The following MED15 variants were observed in gnomAD, a reference collection of about 807,000 sequenced individuals.
MED15 encodes mediator complex subunit 15.
A neutral mutation model predicts 118.7 loss-of-function variants in MED15; 41 were observed. The observed-to-expected ratio is 0.35, with a 90% CI of 0.27 to 0.45. MED15 has a LOEUF of 0.45. Ranked by LOEUF, MED15 falls within the 20% of genes least tolerant of loss-of-function variation. MED15 has a pLI of 1.00. For synonymous variants in MED15, 436 were observed against 413.9 expected (o/e 1.05, Z -0.65); for missense variants, 740 against 1,025.5 (o/e 0.72, Z 3.80).
intron 1 of MED15, among the ~76,000 whole-genome samples, chr22:20,518,206 T>C (rs1212249271): frequency 2.1e-5 from 3 of 142,188 alleles, no homozygotes; most frequent in Non-Finnish European, 4.6e-5. Context: ...TTTTCTTTGT[T>C]TGAGATGGAG....
chr22:20,525,530 CTTTT>C (rs753248152), intron 1 of MED15, among the ~76,000 whole-genome samples: 3 of 113,314 alleles, frequency 2.6e-5, no homozygotes, highest in South Asian at 3.0e-4. Context: ...TGACCTTTCT[CTTTT>C]TTTTTTTTTT....
Position 20,528,323 on chromosome 22 carries a change from G to A in MED15, c.69-8794G>A, listed in dbSNP as rs553812582. Among the ~76,000 whole-genome samples the A allele has an allele frequency of 5.3e-5, 8 of 152,260 alleles. No homozygotes were observed. The South Asian group carries it at 1.2e-3, about 24-fold the overall frequency. ...CCCAACCTTTTTAGCACCAGGGACC[G>A]GTTTCACAGAAGACAATTTTTCTAC... On this transcript the variant is annotated intron_variant, in intron 1 of 17. Transcript: ENST00000263205.
chr22:20,557,090 C>CCTG (rs1371468718), intron 5 of MED15, among the ~76,000 whole-genome samples: 1 of 152,086 alleles, frequency 6.6e-6, no homozygotes, highest in Non-Finnish European at 1.5e-5. Flanking sequence ...GGCTTCAGTG[C>CCTG]TTCAATATAT....
At chr22:20,516,018 T>A (rs1444491951) in intron 1 of MED15, among the ~76,000 whole-genome samples, 1 of 134,698 alleles carries the variant, frequency 7.4e-6, no homozygotes, top group South Asian at 2.4e-4. Flanking sequence ...ACAAAAAAAA[T>A]TAAAAATAAA....
chr22:20,515,701 G>A (rs150125958), intron 1 of MED15, among the ~76,000 whole-genome samples: 4,494 of 151,674 alleles, frequency 0.03, 230 homozygotes, highest in African/African-American at 0.1. Flanking sequence ...CAGGAGAATC[G>A]CTTAAACCCG....
At chr22:20,513,073 T>C (rs1243979591) in intron 1 of MED15, among the ~76,000 whole-genome samples, 1 of 151,836 alleles carries the variant, frequency 6.6e-6, no homozygotes, top group African/African-American at 2.4e-5. Context: ...GTATTCTTTA[T>C]TTTTTTATTT....
Position 20,537,228 on chromosome 22 carries a change from A to G in MED15, c.156+24A>G, listed in dbSNP as rs367550499. Reference sequence around the variant, plus strand: ...GGGTAAGGCCCTAGTAAGTGGAGCCACTCTGGCAGAGAGACTTGGAGAGGA... The same window carrying G: ...GGGTAAGGCCCTAGTAAGTGGAGCCGCTCTGGCAGAGAGACTTGGAGAGGA... On this transcript the variant is annotated intron_variant, in intron 2 of 17. Coordinates refer to ENST00000263205, the MANE Select transcript of MED15 (RefSeq NM_001003891.3). The G allele has an allele frequency of 2.5e-6, 4 of 1,598,526 alleles. No homozygotes were observed. In the African/African-American group the frequency reaches 5.4e-5, roughly 21 times the overall value.
At chr22:20,576,962 T>C (rs1037942830) in intron 9 of MED15, among the ~76,000 whole-genome samples, 3 of 152,240 alleles carry the variant, frequency 2.0e-5, no homozygotes, top group African/African-American at 7.2e-5. Flanking sequence ...AGTAGCAGCA[T>C]GTAGGACTGA....
At position 20,587,552 on chromosome 22, in the gene MED15, G is replaced by A. The variant is rs1044108; in HGVS notation, c.*848G>A. On this transcript the variant is annotated 3_prime_UTR_variant, in exon 18 of 18. Transcript: ENST00000263205. ...ACCGGCCAGCACCCTCTGGTGAGAA[G>A]AGGTCCCCCCTTTTTATGTGCACTA... 8.3e-6 allele frequency: 3 copies of A among 360,208 alleles called. No homozygotes were observed. The highest frequency in any genetic ancestry group is 9.9e-6 in the Non-Finnish European group (2 of 202,846). 22.3% of individuals were successfully genotyped at this position (360,208 alleles called of 1,614,324 possible).
chr22:20,581,001 A>C (rs1376768396), intron 9 of MED15, among the ~76,000 whole-genome samples: 1 of 152,238 alleles, frequency 6.6e-6, no homozygotes, highest in Non-Finnish European at 1.5e-5. Flanking sequence ...TTGACCACAA[A>C]GCAGTGGGAA....
chr22:20,587,005 C>T lies in MED15; in HGVS notation c.*301C>T, dbSNP rs538420704. The T allele has an allele frequency of 2.8e-4, 131 of 473,168 alleles. No individual in the cohort carries two copies. Among genetic ancestry groups the T allele is most frequent in the African/African-American group, 2.5e-3 (129 of 51,994 alleles). The allele number at this position is 473,168 out of a possible 1,614,324, so 29.3% of individuals were successfully genotyped here. A position where few individuals can be genotyped will look rare whatever the true frequency, so the allele number is the denominator to read the frequency against. ...CTCTCACCGTGGCCTGTCCACGGTC[C>T]AGGTCCATCTCAGCAGCGTGAGGGT... On this transcript the variant is annotated 3_prime_UTR_variant, in exon 18 of 18. Coordinates refer to ENST00000263205, the MANE Select transcript of MED15 (RefSeq NM_001003891.3).
rs1264721666 is a variant in MED15 at position 20,575,383 on chromosome 22, T to TA, written c.1272+154dup. 1,285 of 862,226 alleles carry TA rather than the reference T, an allele frequency of 1.5e-3. 8 individuals carry two copies. In the African/African-American group the frequency reaches 0.02, roughly 13 times the overall value. The allele number at this position is 862,226 out of a possible 1,614,324, so 53.4% of individuals were successfully genotyped here. On this transcript the variant is annotated intron_variant, in intron 9 of 17. Coordinates refer to ENST00000263205, the MANE Select transcript of MED15 (RefSeq NM_001003891.3). The stretch of plus-strand genomic sequence containing the variant: ...CCCACAGTCCCTTTTTTTTTTTTTT[T>TA]AAATGAAGCCAAGCCCAGCTTGTGC...
At chr22:20,549,977 A>C (rs75195136) in intron 2 of MED15, among the ~76,000 whole-genome samples, 1 of 152,122 alleles carries the variant, frequency 6.6e-6, no homozygotes, top group Non-Finnish European at 1.5e-5. Context: ...TTTGAAACCT[A>C]CTTCCCCTTG....
At chr22:20,509,265 G>C (rs886516723) in intron 1 of MED15, among the ~76,000 whole-genome samples, 2 of 152,168 alleles carry the variant, frequency 1.3e-5, no homozygotes, top group Admixed American at 1.3e-4. Flanking sequence ...ATTCTTTGGA[G>C]TAGTGAAATG....
chr22:20,585,645 T>G (rs2057112006), intron 16 of MED15, 83 bp from the exon 17 acceptor site: 3 of 1,274,932 alleles, frequency 2.4e-6, no homozygotes, highest in South Asian at 1.2e-5. Context: ...TCCCTGGGTG[T>G]GGAGTCCTGT....
chr22:20,531,645 G>A (rs1410417692), intron 1 of MED15, among the ~76,000 whole-genome samples: 1 of 152,232 alleles, frequency 6.6e-6, no homozygotes, highest in African/African-American at 2.4e-5. Flanking sequence ...CGTTCTGCAC[G>A]TCGTGTCCCA....
intron 5 of MED15, 72 bp downstream of exon 5, chr22:20,555,220 T>C (rs746769596): frequency 1.4e-5 from 19 of 1,390,070 alleles, no homozygotes; most frequent in Non-Finnish European, 1.8e-5. Context: ...CCTGTGCTTA[T>C]GATGGTATCA....
At chr22:20,513,282 CTTT>C (rs361904) in intron 1 of MED15, among the ~76,000 whole-genome samples, 28 of 127,022 alleles carry the variant, frequency 2.2e-4, no homozygotes, top group East Asian at 2.3e-4. Context: ...CTTTTTCTTT[CTTT>C]TTTTTTTTTT....
At chr22:20,579,274 C>T (rs1213872306) in intron 9 of MED15, among the ~76,000 whole-genome samples, 2 of 152,206 alleles carry the variant, frequency 1.3e-5, no homozygotes, top group African/African-American at 4.8e-5. Context: ...TGCTTCTCAT[C>T]CCAGGTGCTG....
Sources: gnomAD v4.1 joint callset for allele counts (sites outside exome capture counted in the v4.1 genomes callset) on GRCh38, gnomAD v4.1.1 for gene constraint, MANE v1.5 for transcripts, NCBI Gene and HGNC (gene_info 2026-07-23, HGNC 2026-07-21) for gene names.